Variants in CCDC61 observed in about 807,000 individuals in gnomAD.
CCDC61 encodes the protein centrosomal protein CCDC61.
In CCDC61, 55 loss-of-function variants were observed where a neutral mutation model predicts 63.0. The ratio of observed to expected loss-of-function variants is 0.87; its 90% CI spans 0.70 to 1.09. The LOEUF is 1.09. CCDC61 is among the 50% of genes least tolerant of loss of function. CCDC61 has a pLI of 0.00. For synonymous variants in CCDC61, 270 were observed against 317.0 expected, an observed-to-expected ratio of 0.85 and a Z score of 1.58; for missense variants, 651 against 731.4, an observed-to-expected ratio of 0.89 and a Z score of 1.27.
intron 5 of CCDC61, 108 bp from the exon 6 acceptor site, chr19:46,014,941 C>A: frequency 2.1e-6 from 2 of 936,024 alleles, no homozygotes; most frequent in Non-Finnish European, 3.0e-6. Context: ...ACTGATGAGC[C>A]GTGTACCCCC....
intron 1 of CCDC61, among the ~76,000 whole-genome samples, chr19:46,002,442 CTT>C (rs57823044): frequency 1.4e-5 from 2 of 144,778 alleles, no homozygotes; most frequent in African/African-American, 2.6e-5. Context: ...TCTTTTCTTT[CTT>C]TTTTTTTTTT....
chr19:46,005,421 T>C (rs1022131714), intron 3 of CCDC61, among the ~76,000 whole-genome samples: 11 of 152,246 alleles, frequency 7.2e-5, no homozygotes, highest in Non-Finnish European at 4.4e-5. Context: ...GCATTTTGTA[T>C]GGATATTTTT....
At chr19:46,002,938 G>A (rs1326869016) in intron 1 of CCDC61, 70 bp from the exon 2 acceptor site, 14 of 1,454,762 alleles carry the variant, frequency 9.6e-6, no homozygotes, top group East Asian at 2.5e-5. Context: ...CAGGATATGA[G>A]GCCTGGCCTT....
Position 46,015,483 on chromosome 19 carries a change from A to T in CCDC61, c.845+56A>T. The T allele has an allele frequency of 1.0e-6, 1 of 960,034 alleles. No homozygotes were observed. Among genetic ancestry groups the T allele is most frequent in the Non-Finnish European group, 1.3e-6 (1 of 779,324 alleles). The allele number at this position is 960,034 out of a possible 1,614,324, so 59.5% of individuals were successfully genotyped here. On this transcript the variant is annotated intron_variant, in intron 7 of 13. Coordinates refer to ENST00000595358, the MANE Select transcript of CCDC61 (RefSeq NM_001267723.2). The surrounding 1 kb of genome is among the most constrained non-coding windows in gnomAD (Gnocchi z 5.3). ...GGATGGGCGGGCCCTGAGGGTGTGG[A>T]GGCTGATGAGGCGGAGCCTAAGGGG...
intron 4 of CCDC61, among the ~76,000 whole-genome samples, chr19:46,007,205 C>T (rs939260779): frequency 1.3e-5 from 2 of 152,000 alleles, no homozygotes; most frequent in Admixed American, 6.6e-5. Context: ...CCCACAACCA[C>T]GCCTGGCTAA....
intron 5 of CCDC61, among the ~76,000 whole-genome samples, chr19:46,012,874 CAG>C (rs898990110): frequency 1.4e-5 from 2 of 146,708 alleles, no homozygotes; most frequent in African/African-American, 5.1e-5. Context: ...TTTTAAGAGA[CAG>C]AGTCTTGCCC....
At chr19:46,014,299 C>T (rs1247427826) in intron 5 of CCDC61, among the ~76,000 whole-genome samples, 2 of 151,944 alleles carry the variant, frequency 1.3e-5, no homozygotes, top group African/African-American at 4.8e-5. Flanking sequence ...TTTTTTCCCC[C>T]ATAGATTTTG....
At chr19:46,005,639 A>C (rs1329368101) in intron 3 of CCDC61, among the ~76,000 whole-genome samples, 1 of 152,060 alleles carries the variant, frequency 6.6e-6, no homozygotes, top group Admixed American at 6.6e-5. Context: ...GTTTTCCAAA[A>C]TTCTAATTTC....
At chr19:46,017,446 C>A in intron 12 of CCDC61, 142 bp downstream of exon 12, 1 of 698,520 alleles carries the variant, frequency 1.4e-6, no homozygotes, top group Non-Finnish European at 2.3e-6. Context: ...CTCTTTCAGG[C>A]TGGGGTGCAG....
At chr19:45,995,591 C>A in intron 1 of CCDC61, 87 bp downstream of exon 1, 1 of 404,072 alleles carries the variant, frequency 2.5e-6, no homozygotes, top group Non-Finnish European at 5.1e-6. Context: ...GGAGAGTGGG[C>A]TGCGGTGGGC....
At chr19:46,006,321 A>G (rs8102495) in intron 3 of CCDC61, among the ~76,000 whole-genome samples, 83,137 of 152,204 alleles carry the variant, frequency 0.55, 23,439 homozygotes, top group African/African-American at 0.68. Context: ...GACAGCACTC[A>G]GAGAGTCACA....
intron 4 of CCDC61, among the ~76,000 whole-genome samples, chr19:46,007,881 A>G (rs1968742522): frequency 6.6e-6 from 1 of 151,474 alleles, no homozygotes; most frequent in African/African-American, 2.4e-5. Context: ...GTGGGTGACA[A>G]GGAAGTTCCC....
Position 46,017,765 on chromosome 19 carries a change from T to C in CCDC61, c.1369-313T>C, listed in dbSNP as rs577369337. 8.5e-5 allele frequency among the ~76,000 whole-genome samples: 13 copies of C among 152,294 alleles called. No homozygotes were observed. The South Asian group carries it at 2.5e-3, about 29-fold the overall frequency. On this transcript the variant is annotated intron_variant, in intron 12 of 13. Coordinates refer to ENST00000595358, the MANE Select transcript of CCDC61 (RefSeq NM_001267723.2). Reference sequence around the variant, plus strand: ...GGGCACGTGATGCTCTTTAGGGCTTTGGCTTCTGACTGTCAGGTCTTGAAA... The same window carrying C: ...GGGCACGTGATGCTCTTTAGGGCTTCGGCTTCTGACTGTCAGGTCTTGAAA...
At chr19:45,997,715 C>T (rs1968520396) in intron 1 of CCDC61, among the ~76,000 whole-genome samples, 1 of 122,384 alleles carries the variant, frequency 8.2e-6, no homozygotes, top group African/African-American at 3.2e-5. Context: ...GAGATAGAGT[C>T]TCTCTCTGTC....
chr19:46,008,335 T>TGGGGGGGGGGGG, intron 5 of CCDC61, 34 bp downstream of exon 5: 2 of 499,166 alleles, frequency 4.0e-6, no homozygotes, highest in Non-Finnish European at 8.0e-6. Context: ...CTGGGGCGGG[T>TGGGGGGGGGGGG]GGGGGCCCTC....
Position 46,016,978 on chromosome 19 carries a change from C to A in CCDC61, c.1232-13C>A. On this transcript the variant is annotated splice_polypyrimidine_tract_variant and intron_variant, in intron 10 of 13. Coordinates refer to ENST00000595358, the MANE Select transcript of CCDC61 (RefSeq NM_001267723.2). The surrounding 1 kb of genome is among the most constrained non-coding windows in gnomAD (Gnocchi z 7.2). ...AGCGAGGGCCAGCGGTCACGCCCTC[C>A]GTCTCCCTCTAGTGGACAGTTTCCG... The A allele has an allele frequency of 6.2e-7, 1 of 1,607,478 alleles. No homozygotes were observed. Among genetic ancestry groups the A allele is most frequent in the Non-Finnish European group, 8.5e-7 (1 of 1,177,238 alleles).
intron 3 of CCDC61, among the ~76,000 whole-genome samples, chr19:46,005,715 G>C (rs1449018919): frequency 6.6e-6 from 1 of 151,750 alleles, no homozygotes; most frequent in Non-Finnish European, 1.5e-5. Context: ...GAAGTGACAG[G>C]CTCACTTTGT....
chr19:46,008,327 G>A, intron 5 of CCDC61, 26 bp downstream of exon 5: 1 of 870,634 alleles, frequency 1.1e-6, no homozygotes, highest in Non-Finnish European at 1.8e-6. Context: ...GTGGGCAGCT[G>A]GGGCGGGTGG....
chr19:46,012,377 G>T (rs560305005), intron 5 of CCDC61, among the ~76,000 whole-genome samples: 1 of 152,242 alleles, frequency 6.6e-6, no homozygotes, highest in African/African-American at 2.4e-5. Context: ...TGGGCTCAGT[G>T]GCTCACGCCT....
Sources: gnomAD v4.1 joint callset for allele counts (sites outside exome capture counted in the v4.1 genomes callset) on GRCh38, gnomAD v4.1.1 for gene constraint, Gnocchi (gnomAD v3.1) non-coding constraint, MANE v1.5 for transcripts, NCBI Gene and HGNC (gene_info 2026-07-23, HGNC 2026-07-21) for gene names.